The following KCNC2 variants were observed in gnomAD, a reference collection of about 807,000 sequenced individuals.
The protein encoded by KCNC2 is voltage-gated potassium channel KCNC2.
KCNC2 carries 21 observed loss-of-function variants against 44.5 expected under a neutral mutation model. That is an observed-to-expected ratio of 0.47 (90% CI 0.33 to 0.68). KCNC2 has a LOEUF of 0.68. KCNC2 is among the 30% of genes least tolerant of loss of function. The pLI is 0.01. For missense variants in KCNC2, 589 were observed against 826.2 expected, an observed-to-expected ratio of 0.71 and a Z score of 3.52; for synonymous variants, 391 against 339.1, an observed-to-expected ratio of 1.15 and a Z score of -1.68.
intron 2 of KCNC2, among the ~76,000 whole-genome samples, chr12:75,161,391 CAGAGTTCAA>C (rs1378019347): frequency 6.6e-6 from 1 of 151,702 alleles, no homozygotes; most frequent in Non-Finnish European, 1.5e-5. Flanking sequence ...AGTCCAAAAG[CAGAGTTCAA>C]AGAAATGTAA....
chr12:75,050,317 T>C lies in KCNC2; in HGVS notation c.1615+73A>G, dbSNP rs1273416074. 2.8e-5 allele frequency: 30 copies of C among 1,089,154 alleles called. No homozygotes were observed. The East Asian group carries it at 6.9e-4, about 25-fold the overall frequency. 67.5% of individuals were successfully genotyped at this position (1,089,154 alleles called of 1,614,324 possible). On this transcript the variant is annotated intron_variant, in intron 3 of 4. Transcript: ENST00000549446. ...CATGAACATTTGCAGAAAATGAGAA[T>C]GACTGCCTTCTGCCTAAGGAACATA... is the stretch of plus-strand genomic sequence containing the variant.
chr12:75,187,517 T>G (rs1336422048), intron 2 of KCNC2, among the ~76,000 whole-genome samples: 2 of 152,184 alleles, frequency 1.3e-5, no homozygotes, highest in Non-Finnish European at 2.9e-5. Context: ...CCTCACTTAC[T>G]GAATTATGCG....
At chr12:75,185,800 T>TTTGGGGTGGCTGAGGCA (rs1892898498) in intron 2 of KCNC2, among the ~76,000 whole-genome samples, 1 of 151,908 alleles carries the variant, frequency 6.6e-6, no homozygotes, top group African/African-American at 2.4e-5. Flanking sequence ...AATCCCAGGA[T>TTTGGGGTGGCTGAGGCA]TTGGGGTGGC....
chr12:75,075,482 T>TATATATATATATATATATATAC (rs1285443264), intron 2 of KCNC2, among the ~76,000 whole-genome samples: 2 of 127,260 alleles, frequency 1.6e-5, no homozygotes, highest in African/African-American at 2.6e-5. Flanking sequence ...TATATATATA[T>TATATATATATATATATATATAC]ACACATATAT....
intron 2 of KCNC2, among the ~76,000 whole-genome samples, chr12:75,086,671 AAAAAAAAAAAATATAT>A (rs1196812731): frequency 1.1e-4 from 10 of 89,392 alleles, no homozygotes; most frequent in African/African-American, 4.4e-4. Context: ...AAAAAAAAAA[AAAAAAAAAAAATATAT>A]ATATATATAT....
rs574662252 is a variant in KCNC2 at position 75,072,591 on chromosome 12, G to A, written c.688-21274C>T. ...ATATTAAATATTAGAATATTTCAAA[G>A]AAAAAATAGAAAAAAAGAAAAAGAA... On this transcript the variant is annotated intron_variant, in intron 2 of 4. Transcript: ENST00000549446. Among the ~76,000 whole-genome samples, 251 of 150,290 alleles carry A rather than the reference G, an allele frequency of 1.7e-3. 1 individual carries two copies. The highest frequency in any genetic ancestry group is 5.7e-3 in the African/African-American group (235 of 40,932).
intron 2 of KCNC2, among the ~76,000 whole-genome samples, chr12:75,128,495 C>T (rs988682395): frequency 6.6e-6 from 1 of 152,050 alleles, no homozygotes; most frequent in Non-Finnish European, 1.5e-5. Context: ...TTAAATAAAA[C>T]AAAACGGGTC....
At chr12:75,146,213 C>A (rs1370614699) in intron 2 of KCNC2, among the ~76,000 whole-genome samples, 1 of 152,246 alleles carries the variant, frequency 6.6e-6, no homozygotes, top group African/African-American at 2.4e-5. Flanking sequence ...CTTGGCCTCC[C>A]AAAGTGTTGA....
rs892105646 is a variant in KCNC2 at position 75,041,627 on chromosome 12, C to T, written c.*1478G>A. 3 of 1,019,402 alleles carry T rather than the reference C, an allele frequency of 2.9e-6. No individual in the cohort carries two copies. The highest frequency in any genetic ancestry group is 8.7e-5 in the East Asian group (1 of 11,458). The allele number at this position is 1,019,402 out of a possible 1,614,324, so 63.1% of individuals were successfully genotyped here. A position where few individuals can be genotyped will look rare whatever the true frequency, so the allele number is the denominator to read the frequency against. On this transcript the variant is annotated 3_prime_UTR_variant, in exon 5 of 5. Coordinates refer to ENST00000549446, the MANE Select transcript of KCNC2 (RefSeq NM_139137.4). The stretch of plus-strand genomic sequence containing the variant: ...TAGGAATGCATAAATAGACTTTCTT[C>T]CACTCAGACTGAATATGACTCCCTA...
At chr12:75,197,915 G>C (rs756608460) in intron 2 of KCNC2, among the ~76,000 whole-genome samples, 1 of 151,638 alleles carries the variant, frequency 6.6e-6, no homozygotes, top group African/African-American at 2.4e-5. Flanking sequence ...ATAAATCAGC[G>C]ATGAATTGAA....
intron 2 of KCNC2, among the ~76,000 whole-genome samples, chr12:75,051,707 A>T (rs575716862): frequency 6.6e-5 from 10 of 152,142 alleles, no homozygotes; most frequent in Non-Finnish European, 1.3e-4. Context: ...TATGCATATG[A>T]TCAAGTTTTA....
At chr12:75,146,771 C>T (rs868386168) in intron 2 of KCNC2, among the ~76,000 whole-genome samples, 5 of 152,148 alleles carry the variant, frequency 3.3e-5, no homozygotes, top group African/African-American at 1.2e-4. Context: ...TAAGAATCTC[C>T]ATTTCCTCAC....
At chr12:75,156,249 A>AT (rs11411772) in intron 2 of KCNC2, among the ~76,000 whole-genome samples, 22,428 of 149,446 alleles carry the variant, frequency 0.15, 1,919 homozygotes, top group Middle Eastern at 0.28. Context: ...CTCTCGAAAC[A>AT]TTTTTTTTTT....
intron 2 of KCNC2, among the ~76,000 whole-genome samples, chr12:75,191,096 A>T (rs2030164411): frequency 6.6e-6 from 1 of 152,180 alleles, no homozygotes; most frequent in African/African-American, 2.4e-5. Context: ...ACCATTCACA[A>T]TAACAACCAG....
At chr12:75,071,456 G>A (rs1883391737) in intron 2 of KCNC2, among the ~76,000 whole-genome samples, 1 of 152,098 alleles carries the variant, frequency 6.6e-6, no homozygotes, top group Non-Finnish European at 1.5e-5. Context: ...ATCTTAAATG[G>A]TTGTGTACAG....
At chr12:75,074,444 T>A (rs1199857190) in intron 2 of KCNC2, among the ~76,000 whole-genome samples, 1 of 152,100 alleles carries the variant, frequency 6.6e-6, no homozygotes, top group Non-Finnish European at 1.5e-5. Flanking sequence ...GTGTAAAATT[T>A]CTGCTACCTG....
chr12:75,084,290 T>TA (rs200893949), intron 2 of KCNC2, among the ~76,000 whole-genome samples: 3,303 of 123,656 alleles, frequency 0.027, 52 homozygotes, highest in African/African-American at 0.057. Flanking sequence ...GATAGATAGA[T>TA]GATAGATAGA....
At chr12:75,099,524 A>T (rs1369018760) in intron 2 of KCNC2, among the ~76,000 whole-genome samples, 1 of 152,182 alleles carries the variant, frequency 6.6e-6, no homozygotes, top group Non-Finnish European at 1.5e-5. Context: ...AAAACTTCTG[A>T]CTATGAGCTT....
intron 2 of KCNC2, among the ~76,000 whole-genome samples, chr12:75,059,731 G>A (rs1882117708): frequency 6.6e-6 from 1 of 151,930 alleles, no homozygotes; most frequent in South Asian, 2.1e-4. Context: ...AATACAATTG[G>A]CTGCTTTACT....
Sources: allele counts gnomAD v4.1 joint callset (sites outside exome capture counted in the v4.1 genomes callset), GRCh38; gene constraint gnomAD v4.1.1; transcripts MANE v1.5; gene names NCBI Gene and HGNC (gene_info 2026-07-23, HGNC 2026-07-21).